PDE8B: variants seen among roughly 807,000 people sequenced by gnomAD.
The protein encoded by PDE8B is phosphodiesterase 8B.
In PDE8B, 26 loss-of-function variants were observed where a neutral mutation model predicts 101.3. The ratio of observed to expected loss-of-function variants is 0.26; its 90% CI spans 0.19 to 0.36. The LOEUF (loss-of-function observed/expected upper bound fraction) is 0.36, where lower values mean the gene tolerates loss of function less well. PDE8B is among the 10% of genes least tolerant of loss of function. The pLI, the probability that PDE8B is intolerant of heterozygous loss-of-function variation, is 1.00. For synonymous variants in PDE8B, 424 were observed against 429.3 expected, an observed-to-expected ratio of 0.99 and a Z score of 0.15; for missense variants, 810 against 1,163.1, an observed-to-expected ratio of 0.70 and a Z score of 4.42.
chr5:77,389,957 G>C (rs151059676), intron 10 of PDE8B, among the ~76,000 whole-genome samples: 1,756 of 152,262 alleles, frequency 0.012, 32 homozygotes, highest in African/African-American at 0.04. Context: ...TTAGGAGTGG[G>C]ACTGTTGGGC....
chr5:77,216,332 A>G (rs1749700128), intron 1 of PDE8B, among the ~76,000 whole-genome samples: 1 of 152,194 alleles, frequency 6.6e-6, no homozygotes, highest in Non-Finnish European at 1.5e-5. Context: ...AAGAGATTTA[A>G]TGGACTCACA....
At chr5:77,139,367 C>T in the PDE8B span, 15 of 152,420 alleles carry the variant, frequency 9.8e-5, no homozygotes, top group African/African-American at 3.4e-4. Context: ...CTGAACCAGG[C>T]CCAAGTTGCT....
chr5:77,314,579 G>A (rs542354725), intron 2 of PDE8B, among the ~76,000 whole-genome samples: 2 of 152,148 alleles, frequency 1.3e-5, no homozygotes, highest in East Asian at 3.9e-4. Context: ...CTGAACTCAT[G>A]TATTAGTTTT....
At chr5:77,390,597 A>C (rs1039681740) in intron 10 of PDE8B, among the ~76,000 whole-genome samples, 1 of 152,212 alleles carries the variant, frequency 6.6e-6, no homozygotes, top group African/African-American at 2.4e-5. Flanking sequence ...GATGCCATTG[A>C]ATCCCCGTCC....
chr5:77,248,548 A>C (rs1757428293), intron 1 of PDE8B, among the ~76,000 whole-genome samples: 1 of 152,130 alleles, frequency 6.6e-6, no homozygotes, highest in African/African-American at 2.4e-5. Context: ...ATACCTTATC[A>C]CTACAGGGAA....
At chr5:77,297,443 C>CT (rs139560586) in intron 1 of PDE8B, among the ~76,000 whole-genome samples, 334 of 152,276 alleles carry the variant, frequency 2.2e-3, no homozygotes, top group Non-Finnish European at 3.8e-3. Context: ...GGGCCCACCC[C>CT]TAGAGTTTCT....
At chr5:77,139,134 C>T in the PDE8B span, 3 of 152,266 alleles carry the variant, frequency 2.0e-5, no homozygotes, top group Non-Finnish European at 4.4e-5. Flanking sequence ...AGTTAGAACA[C>T]AGAGGTCTTG....
At chr5:77,322,743 C>G (rs573947005) in intron 2 of PDE8B, among the ~76,000 whole-genome samples, 3 of 152,224 alleles carry the variant, frequency 2.0e-5, no homozygotes, top group Non-Finnish European at 2.9e-5. Context: ...CTCTGCTCTG[C>G]CGGGTTTCAC....
intron 1 of PDE8B, among the ~76,000 whole-genome samples, chr5:77,240,215 G>A (rs2149538596): frequency 6.6e-6 from 1 of 152,164 alleles, no homozygotes; most frequent in East Asian, 1.9e-4. Flanking sequence ...GTGCGGTGGC[G>A]CGATCCCGGC....
the PDE8B span, among the ~76,000 whole-genome samples, chr5:77,165,992 G>A: frequency 4.2e-4 from 49 of 117,756 alleles, no homozygotes; most frequent in Non-Finnish European, 7.4e-4. Context: ...AAAAAAAAAA[G>A]AAAAAGAAAA....
At chr5:77,118,690 G>T in the PDE8B span, 5 of 263,446 alleles carry the variant, frequency 1.9e-5, no homozygotes, top group African/African-American at 1.1e-4. Flanking sequence ...ATATAAAAAT[G>T]TATCTGCATG....
chr5:77,161,988 TA>T, the PDE8B span, among the ~76,000 whole-genome samples: 1 of 151,862 alleles, frequency 6.6e-6, no homozygotes, highest in Non-Finnish European at 1.5e-5. Flanking sequence ...AGTTTCAAGA[TA>T]TTTTTATGTG....
upstream of PDE8B, among the ~76,000 whole-genome samples, chr5:77,208,211 T>C (rs1461615728): frequency 6.6e-6 from 1 of 152,208 alleles, no homozygotes; most frequent in African/African-American, 2.4e-5. Flanking sequence ...CATCACAGTC[T>C]TCTTGCCTTT....
chr5:77,252,502 T>C (rs889113244), intron 1 of PDE8B, among the ~76,000 whole-genome samples: 2 of 152,318 alleles, frequency 1.3e-5, no homozygotes, highest in East Asian at 1.9e-4. Context: ...GTTGTCCTTA[T>C]TGGGCACGTT....
chr5:77,153,357 T>C, the PDE8B span, among the ~76,000 whole-genome samples: 3 of 152,352 alleles, frequency 2.0e-5, no homozygotes, highest in Admixed American at 6.5e-5. Flanking sequence ...TCTTGGCATA[T>C]AGCAAGTGCT....
intron 1 of PDE8B, among the ~76,000 whole-genome samples, chr5:77,284,440 G>A (rs1256213667): frequency 6.6e-6 from 1 of 152,082 alleles, no homozygotes; most frequent in Non-Finnish European, 1.5e-5. Flanking sequence ...TCTTCTAGGA[G>A]TTTTATAGTT....
intron 1 of PDE8B, among the ~76,000 whole-genome samples, chr5:77,266,721 T>C (rs1243115997): frequency 6.6e-6 from 1 of 152,194 alleles, no homozygotes; most frequent in Non-Finnish European, 1.5e-5. Flanking sequence ...GAATTCAGTG[T>C]TTGGGGTGAC....
rs1035682633 is a variant in PDE8B at position 77,211,123 on chromosome 5, C to T, written c.198C>T (p.Arg66=). The part of the protein sequence containing the change: ...SRASGPPSVA[R]VRRARTELGS... ...CGTCGGGACCCCCCAGCGTAGCCCG[C>T]GTCCGCAGGGCCCGCACCGAGCTGG... The change falls in exon 1 of 22, where the codon CGC becomes CGT. Residue 66 remains arginine (R), a synonymous_variant. Transcript: ENST00000264917. The surrounding 1 kb of genome is among the most constrained non-coding windows in gnomAD (Gnocchi z 4.1). The T allele has an allele frequency of 6.6e-7, 1 of 1,504,902 alleles. No homozygotes were observed. Among genetic ancestry groups the T allele is most frequent in the Non-Finnish European group, 8.8e-7 (1 of 1,134,222 alleles). The allele number at this position is 1,504,902 out of a possible 1,614,324, so 93.2% of individuals were successfully genotyped here. A position where few individuals can be genotyped will look rare whatever the true frequency, so the allele number is the denominator to read the frequency against.
At chr5:77,255,306 A>G (rs1213945264) in intron 1 of PDE8B, among the ~76,000 whole-genome samples, 1 of 152,130 alleles carries the variant, frequency 6.6e-6, no homozygotes, top group Admixed American at 6.5e-5. Flanking sequence ...AGTTTAGAGT[A>G]TATTTCGTGT....
Sources: allele counts gnomAD v4.1 joint callset (sites outside exome capture counted in the v4.1 genomes callset), GRCh38; gene constraint gnomAD v4.1.1; non-coding constraint Gnocchi (gnomAD v3.1); transcripts MANE v1.5; gene names NCBI Gene and HGNC (gene_info 2026-07-23, HGNC 2026-07-21).